PARD3B: variants seen among roughly 807,000 people sequenced by gnomAD.
The protein encoded by PARD3B is partitioning defective 3 homolog B.
In PARD3B, 103 loss-of-function variants were observed where a neutral mutation model predicts 130.2. That is an observed-to-expected ratio of 0.79 (90% CI 0.67 to 0.93). The LOEUF (loss-of-function observed/expected upper bound fraction) is 0.93. PARD3B is among the 40% of genes least tolerant of loss of function. PARD3B has a pLI of 0.00. For synonymous variants in PARD3B, 583 were observed against 553.2 expected (o/e 1.05, Z -0.76); for missense variants, 1,609 against 1,499.2 (o/e 1.07, Z -1.21).
At chr2:205,264,770 A>T (rs1025079798) in intron 16 of PARD3B, among the ~76,000 whole-genome samples, 1 of 151,192 alleles carries the variant, frequency 6.6e-6, no homozygotes, top group African/African-American at 2.4e-5. Context: ...GTCTTCCTAA[A>T]GTGATTAGTA....
At chr2:205,320,263 A>T (rs148958856) in intron 18 of PARD3B, among the ~76,000 whole-genome samples, 12 of 142,816 alleles carry the variant, frequency 8.4e-5, no homozygotes, top group South Asian at 2.1e-4. Context: ...AAGGAAGGAA[A>T]GAAGGAAGGA....
intron 21 of PARD3B, among the ~76,000 whole-genome samples, chr2:205,503,066 C>A (rs1173889592): frequency 6.6e-6 from 1 of 151,316 alleles, no homozygotes; most frequent in Non-Finnish European, 1.5e-5. Flanking sequence ...TCCCCTCTCC[C>A]CTTTTTCCTC....
intron 18 of PARD3B, among the ~76,000 whole-genome samples, chr2:205,392,876 T>G (rs1027713845): frequency 8.5e-5 from 13 of 152,210 alleles, no homozygotes; most frequent in African/African-American, 2.9e-4. Context: ...TTAATGAAGA[T>G]TGATGTGCAA....
At position 205,122,907 on chromosome 2, in the gene PARD3B, A is replaced by C. The variant is rs146893105; in HGVS notation, c.1165+958A>C. On this transcript the variant is annotated intron_variant, in intron 8 of 22. Transcript: ENST00000406610. The surrounding 1 kb of genome is among the most constrained non-coding windows in gnomAD (Gnocchi z 4.3). The stretch of plus-strand genomic sequence containing the variant: ...ACAAAAATACTTCAGTGTGCTTATC[A>C]ATCAGGTTTTTTATTTAAATGCCTC... Among the ~76,000 whole-genome samples the C allele has an allele frequency of 3.9e-4, 60 of 152,338 alleles. 1 individual carries two copies. In the East Asian group the frequency reaches 0.01, roughly 26 times the overall value.
Position 204,664,887 on chromosome 2 carries a change from T to G in PARD3B, c.121-21294T>G, listed in dbSNP as rs1159555788. Among the ~76,000 whole-genome samples the G allele has an allele frequency of 6.6e-6, 1 of 152,200 alleles. No homozygotes were observed. Among genetic ancestry groups the G allele is most frequent in the Admixed American group, 6.5e-5 (1 of 15,278 alleles). ...CTCTCCTTTTCTTTCATCTCATTCT[T>G]TACCATGTTTGTTGGGCATTAGTTT... is the stretch of plus-strand genomic sequence containing the variant. On this transcript the variant is annotated intron_variant, in intron 1 of 22. Transcript: ENST00000406610. This position sits in a 1 kb window ranked among gnomAD's most constrained non-coding sequence, Gnocchi z 5.2.
At chr2:205,057,675 G>C (rs1038043648) in intron 4 of PARD3B, among the ~76,000 whole-genome samples, 2 of 144,106 alleles carry the variant, frequency 1.4e-5, no homozygotes, top group African/African-American at 5.1e-5. Context: ...ACATATATGT[G>C]TATGTGTATA....
intron 3 of PARD3B, among the ~76,000 whole-genome samples, chr2:204,987,681 T>G (rs1374703428): frequency 6.6e-6 from 1 of 152,194 alleles, no homozygotes; most frequent in Non-Finnish European, 1.5e-5. Context: ...TTCATCTTCT[T>G]CAGAATTTTT....
intron 22 of PARD3B, among the ~76,000 whole-genome samples, chr2:205,607,239 GAAA>G (rs149442943): frequency 7.0e-6 from 1 of 143,632 alleles, no homozygotes. Context: ...GTACCCATTG[GAAA>G]AAAAAAAAAA....
At chr2:205,196,157 G>A (rs1028712358) in intron 15 of PARD3B, among the ~76,000 whole-genome samples, 12 of 152,120 alleles carry the variant, frequency 7.9e-5, no homozygotes, top group Non-Finnish European at 1.5e-5. Flanking sequence ...AGTCTAAAAT[G>A]TGAGTGCTCC....
At chr2:205,502,190 G>C (rs2050181966) in intron 21 of PARD3B, among the ~76,000 whole-genome samples, 1 of 152,166 alleles carries the variant, frequency 6.6e-6, no homozygotes, top group Non-Finnish European at 1.5e-5. Flanking sequence ...GCGTAGGCCT[G>C]AGAAATTACA....
At chr2:204,889,198 G>A (rs1332153341) in intron 2 of PARD3B, among the ~76,000 whole-genome samples, 1 of 152,130 alleles carries the variant, frequency 6.6e-6, no homozygotes, top group Admixed American at 6.6e-5. Flanking sequence ...CCAGCTCTGA[G>A]CACATCAAAT....
intron 2 of PARD3B, among the ~76,000 whole-genome samples, chr2:204,772,110 T>G (rs2041412901): frequency 6.6e-6 from 1 of 152,084 alleles, no homozygotes; most frequent in African/African-American, 2.4e-5. Flanking sequence ...ATTAGGCAAT[T>G]TCTAAATAAG....
intron 4 of PARD3B, among the ~76,000 whole-genome samples, chr2:205,101,995 T>C (rs1392931647): frequency 6.6e-6 from 1 of 152,164 alleles, no homozygotes; most frequent in Non-Finnish European, 1.5e-5. Context: ...AATTGTACTC[T>C]TTAAAATGGT....
At chr2:204,594,153 T>C (rs1056553022) in intron 1 of PARD3B, among the ~76,000 whole-genome samples, 3 of 152,138 alleles carry the variant, frequency 2.0e-5, no homozygotes, top group African/African-American at 4.8e-5. Flanking sequence ...TCTTCATTGA[T>C]ACTTGGAGAT....
intron 22 of PARD3B, among the ~76,000 whole-genome samples, chr2:205,596,410 C>T (rs571986035): frequency 6.6e-6 from 1 of 152,316 alleles, no homozygotes; most frequent in East Asian, 1.9e-4. Flanking sequence ...CCAAAGTGCT[C>T]TGCCAAATAA....
chr2:204,800,278 TA>T (rs2042520397), intron 2 of PARD3B, among the ~76,000 whole-genome samples: 1 of 152,096 alleles, frequency 6.6e-6, no homozygotes, highest in African/African-American at 2.4e-5. Flanking sequence ...CAAAACTGAT[TA>T]AGCAGAAGAT....
intron 3 of PARD3B, among the ~76,000 whole-genome samples, chr2:204,983,362 A>G (rs1692847520): frequency 6.6e-6 from 1 of 150,578 alleles, no homozygotes; most frequent in East Asian, 2.0e-4. Flanking sequence ...CGAGGCTTTA[A>G]TAAACAATGC....
intron 15 of PARD3B, among the ~76,000 whole-genome samples, chr2:205,242,889 G>A (rs765006885): frequency 2.0e-5 from 3 of 152,010 alleles, no homozygotes; most frequent in African/African-American, 7.2e-5. Flanking sequence ...CTTAGTGGCC[G>A]GGCGCAGTGG....
chr2:205,580,116 A>G (rs561585809), intron 22 of PARD3B, among the ~76,000 whole-genome samples: 1 of 152,338 alleles, frequency 6.6e-6, no homozygotes, highest in East Asian at 1.9e-4. Flanking sequence ...TTTCTTAAAA[A>G]TGAGTACTTG....
Sources: gnomAD v4.1 joint callset for allele counts (sites outside exome capture counted in the v4.1 genomes callset) on GRCh38, gnomAD v4.1.1 for gene constraint, Gnocchi (gnomAD v3.1) non-coding constraint, MANE v1.5 for transcripts, NCBI Gene and HGNC (gene_info 2026-07-23, HGNC 2026-07-21) for gene names.